SEMA3B: variants seen among roughly 807,000 people sequenced by gnomAD.
SEMA3B encodes semaphorin-3B.
In SEMA3B, 71 loss-of-function variants were observed where a neutral mutation model predicts 77.8. That is an observed-to-expected ratio of 0.91 (90% CI 0.75 to 1.11). The LOEUF is 1.11. Ranked by LOEUF, SEMA3B falls within the 50% of genes most tolerant of loss-of-function variation. The pLI, the probability that SEMA3B is intolerant of heterozygous loss-of-function variation, is 0.00. For missense variants in SEMA3B, 968 were observed against 1,056.8 expected (o/e 0.92, Z 1.17); for synonymous variants, 470 against 452.9 (o/e 1.04, Z -0.48).
chr3:50,273,018 C>CT lies in SEMA3B; in HGVS notation c.665-280_665-279insT, dbSNP rs367988038. 2.4e-3 allele frequency: 1,082 copies of CT among 446,274 alleles called. 11 individuals are homozygous for CT. Among genetic ancestry groups the CT allele is most frequent in the African/African-American group, 0.02 (984 of 49,776 alleles). 27.6% of individuals were successfully genotyped at this position (446,274 alleles called of 1,614,324 possible). On this transcript the variant is annotated intron_variant, in intron 6 of 16. Coordinates refer to ENST00000616701, the MANE Select transcript of SEMA3B (RefSeq NM_001290060.2). This position sits in a 1 kb window ranked among gnomAD's most constrained non-coding sequence, Gnocchi z 6.5. ...TACCCCAGCCTAAGGTGCTGGGCGA[C>CT]GTGTGGGGCGAGATCGGAGGCTAGC...
At chr3:50,262,085 CAGG>C in the SEMA3B span, 2 of 152,262 alleles carry the variant, frequency 1.3e-5, no homozygotes, top group East Asian at 3.8e-4. Flanking sequence ...CACTTGAGAT[CAGG>C]AGTTCAAGAC....
chr3:50,273,097 G>T lies in SEMA3B; in HGVS notation c.665-201G>T. 1.3e-6 allele frequency: 1 copy of T among 789,690 alleles called. No individual in the cohort carries two copies. Among genetic ancestry groups the T allele is most frequent in the Non-Finnish European group, 1.9e-6 (1 of 520,856 alleles). The allele number at this position is 789,690 out of a possible 1,614,324, so 48.9% of individuals were successfully genotyped here. ...CCACGGTCTCTGCTGCCCCCTCGCG[G>T]CTGCTTCTTGCCTCGCAGGCCCTGA... On this transcript the variant is annotated intron_variant, in intron 6 of 16. Transcript: ENST00000616701. The surrounding 1 kb of genome is among the most constrained non-coding windows in gnomAD (Gnocchi z 6.5).
chr3:50,264,670 G>A (rs1227967726), upstream of SEMA3B, among the ~76,000 whole-genome samples: 1 of 152,216 alleles, frequency 6.6e-6, no homozygotes, highest in Non-Finnish European at 1.5e-5. Context: ...TTATGTAAAT[G>A]TCTGTTCATG....
In SEMA3B at chr3:50,276,199, A is replaced by T. The variant is rs1701237918; in HGVS notation, c.1846-103A>T. ...CCTGCGGGCACCCCTTTCCCGCTCCACCTCGGCTCCCAATGACTCTTTGCT... is the reference window on the plus strand; with the variant it reads ...CCTGCGGGCACCCCTTTCCCGCTCCTCCTCGGCTCCCAATGACTCTTTGCT... On this transcript the variant is annotated intron_variant, in intron 16 of 16. Transcript: ENST00000616701. This position sits in a 1 kb window ranked among gnomAD's most constrained non-coding sequence, Gnocchi z 5.8. 7.2e-7 allele frequency: 1 copy of T among 1,384,236 alleles called. No homozygotes were observed. 85.7% of individuals were successfully genotyped at this position (1,384,236 alleles called of 1,614,324 possible).
At position 50,270,672 on chromosome 3, in the gene SEMA3B, C is replaced by A; in HGVS notation, c.330+177C>A. 1 of 1,133,070 alleles carries A rather than the reference C, an allele frequency of 8.8e-7. No homozygotes were observed. Among genetic ancestry groups the A allele is most frequent in the Non-Finnish European group, 1.2e-6 (1 of 808,746 alleles). 70.2% of individuals were successfully genotyped at this position (1,133,070 alleles called of 1,614,324 possible). ...GGGCTCGTGTAATTCTTCTGGGGTG[C>A]CTCTGAGTCATGGGAGGCTTTGCAG... On this transcript the variant is annotated intron_variant, in intron 3 of 16. Transcript: ENST00000616701. This position sits in a 1 kb window ranked among gnomAD's most constrained non-coding sequence, Gnocchi z 4.7.
upstream of SEMA3B, among the ~76,000 whole-genome samples, chr3:50,266,485 G>T (rs1322089904): frequency 2.0e-5 from 3 of 152,190 alleles, no homozygotes; most frequent in African/African-American, 7.2e-5. Flanking sequence ...ACTTCCAGGG[G>T]ACTTGGAGAT....
Position 50,274,948 on chromosome 3 carries a change from C to A in SEMA3B, c.1449+14C>A. 1 of 1,604,014 alleles carries A rather than the reference C, an allele frequency of 6.2e-7. No individual in the cohort carries two copies. Among genetic ancestry groups the A allele is most frequent in the Non-Finnish European group, 8.5e-7 (1 of 1,176,630 alleles). On this transcript the variant is annotated intron_variant, in intron 12 of 16. Coordinates refer to ENST00000616701, the MANE Select transcript of SEMA3B (RefSeq NM_001290060.2). This position sits in a 1 kb window ranked among gnomAD's most constrained non-coding sequence, Gnocchi z 4.7. ...CACGTGTTTGAGGTGAGGCCTCACC[C>A]CCAGTCGCCCGGGACCCCCCCACCC...
rs1553705167 is a variant in SEMA3B at position 50,270,506 on chromosome 3, G to A, written c.330+11G>A. Reference sequence around the variant, plus strand: ...GGGAAGGACATTGGTGTGAGTGCCAGCTGCCCGGGCCGGGAGTGGGGAGGG... The same window carrying A: ...GGGAAGGACATTGGTGTGAGTGCCAACTGCCCGGGCCGGGAGTGGGGAGGG... On this transcript the variant is annotated intron_variant, in intron 3 of 16. Transcript: ENST00000616701. The surrounding 1 kb of genome is among the most constrained non-coding windows in gnomAD (Gnocchi z 4.7). 13 of 1,613,460 alleles carry A rather than the reference G, an allele frequency of 8.1e-6. No individual in the cohort carries two copies. Among genetic ancestry groups the A allele is most frequent in the Non-Finnish European group, 1.1e-5 (13 of 1,179,864 alleles).
In SEMA3B at chr3:50,275,941, C is replaced by T; in HGVS notation, c.1845+97C>T. 1 of 1,418,638 alleles carries T rather than the reference C, an allele frequency of 7.0e-7. No homozygotes were observed. The highest frequency in any genetic ancestry group is 9.3e-7 in the Non-Finnish European group (1 of 1,074,606). The allele number at this position is 1,418,638 out of a possible 1,614,324, so 87.9% of individuals were successfully genotyped here. Reference sequence around the variant, plus strand: ...CCAACGAAGCCCCGTCCAACCAGACCCACTCCCCGCCCTGTCCAGTTTGGT... The same window carrying T: ...CCAACGAAGCCCCGTCCAACCAGACTCACTCCCCGCCCTGTCCAGTTTGGT... On this transcript the variant is annotated intron_variant, in intron 16 of 16. Transcript: ENST00000616701. The surrounding 1 kb of genome is among the most constrained non-coding windows in gnomAD (Gnocchi z 7.5).
intron 6 of SEMA3B, 89 bp downstream of exon 6, chr3:50,271,569 G>A (rs1701055669): frequency 6.6e-7 from 1 of 1,522,412 alleles, no homozygotes; most frequent in South Asian, 1.2e-5. Flanking sequence ...GTGAGCAGTG[G>A]GTGTGGCCAG....
In SEMA3B at chr3:50,276,365, C is replaced by G; in HGVS notation, c.1909C>G (p.Arg637Gly). ...RGLLLRRLRR[R>G]DSGVYLCAAV... The stretch of plus-strand genomic sequence containing the variant: ...ACTACTGCTGCGCAGGCTGCGGCGC[C>G]GGGACTCGGGCGTGTACTTGTGCGC... Residue 637 changes from arginine (R) to glycine (G), a missense_variant, in exon 17 of 17, where the codon CGG (arginine) becomes GGG (glycine). Coordinates refer to ENST00000616701, the MANE Select transcript of SEMA3B (RefSeq NM_001290060.2). The surrounding 1 kb of genome is among the most constrained non-coding windows in gnomAD (Gnocchi z 5.8). 1.3e-6 allele frequency: 2 copies of G among 1,534,248 alleles called. No homozygotes were observed. The highest frequency in any genetic ancestry group is 1.7e-6 in the Non-Finnish European group (2 of 1,144,842).
intron 6 of SEMA3B, among the ~76,000 whole-genome samples, chr3:50,271,718 A>C (rs1437660121): frequency 6.6e-6 from 1 of 152,196 alleles, no homozygotes; most frequent in Non-Finnish European, 1.5e-5. Flanking sequence ...GAGAGAGACA[A>C]GGGAGGAAGG....
In SEMA3B at chr3:50,269,936, C is replaced by T. The variant is rs1700999906; in HGVS notation, c.110-191C>T. 6.6e-6 allele frequency among the ~76,000 whole-genome samples: 1 copy of T among 152,182 alleles called. No individual in the cohort carries two copies. Among genetic ancestry groups the T allele is most frequent in the Admixed American group, 6.5e-5 (1 of 15,270 alleles). Reference sequence around the variant, plus strand: ...TCCTCTTCCTGGGGGGATGTACCACCTACCCTGGCAGCTCCACACGTGCAC... The same window carrying T: ...TCCTCTTCCTGGGGGGATGTACCACTTACCCTGGCAGCTCCACACGTGCAC... On this transcript the variant is annotated intron_variant, in intron 1 of 16. Coordinates refer to ENST00000616701, the MANE Select transcript of SEMA3B (RefSeq NM_001290060.2). This position sits in a 1 kb window ranked among gnomAD's most constrained non-coding sequence, Gnocchi z 4.0.
chr3:50,265,132 C>T (rs1319709117), upstream of SEMA3B, among the ~76,000 whole-genome samples: 2 of 152,148 alleles, frequency 1.3e-5, no homozygotes, highest in African/African-American at 2.4e-5. Flanking sequence ...TGCCTGCAGA[C>T]GCTTCCCCAG....
At position 50,274,650 on chromosome 3, in the gene SEMA3B, C is replaced by T. The variant is rs1264479979; in HGVS notation, c.1357+68C>T. On this transcript the variant is annotated intron_variant, in intron 11 of 16. Transcript: ENST00000616701. This position sits in a 1 kb window ranked among gnomAD's most constrained non-coding sequence, Gnocchi z 4.7. ...CCTGTGGGCTGCTGATGGAAGCTCT[C>T]CCTGTTCAGTCCCATCTCCACATCC... The T allele has an allele frequency of 9.4e-6, 14 of 1,492,518 alleles. No homozygotes were observed. Among genetic ancestry groups the T allele is most frequent in the Admixed American group, 2.1e-5 (1 of 47,612 alleles). The allele number at this position is 1,492,518 out of a possible 1,614,324, so 92.5% of individuals were successfully genotyped here. A position where few individuals can be genotyped will look rare whatever the true frequency, so the allele number is the denominator to read the frequency against.
chr3:50,276,264 GC>G lies in SEMA3B; in HGVS notation c.1846-35del. 1 of 1,443,962 alleles carries G rather than the reference GC, an allele frequency of 6.9e-7. No homozygotes were observed. Among genetic ancestry groups the G allele is most frequent in the Non-Finnish European group, 9.1e-7 (1 of 1,103,038 alleles). 89.4% of individuals were successfully genotyped at this position (1,443,962 alleles called of 1,614,324 possible). On this transcript the variant is annotated intron_variant, in intron 16 of 16. Coordinates refer to ENST00000616701, the MANE Select transcript of SEMA3B (RefSeq NM_001290060.2). The surrounding 1 kb of genome is among the most constrained non-coding windows in gnomAD (Gnocchi z 5.8). ...CTAGGGCCCGGAAGCCCTGTTCCCG[GC>G]CCGACACCCCCGCCTCACGCTGCCC...
At position 50,274,930 on chromosome 3, in the gene SEMA3B, T is replaced by C; in HGVS notation, c.1445T>C (p.Phe482Ser). 6.2e-7 allele frequency: 1 copy of C among 1,609,066 alleles called. No individual in the cohort carries two copies. Among genetic ancestry groups the C allele is most frequent in the South Asian group, 1.1e-5 (1 of 90,400 alleles). Residue 482 changes from phenylalanine (F) to serine (S), a missense_variant, in exon 12 of 17, where the codon TTT becomes TCT. By Grantham distance (155) the Phe-to-Ser change is radical. Coordinates refer to ENST00000616701, the MANE Select transcript of SEMA3B (RefSeq NM_001290060.2). This position sits in a 1 kb window ranked among gnomAD's most constrained non-coding sequence, Gnocchi z 4.7. Reference sequence around the variant, plus strand: ...CTGCTCCTGGAGGAGCTGCACGTGTTTGAGGTGAGGCCTCACCCCCAGTCG... The same window carrying C: ...CTGCTCCTGGAGGAGCTGCACGTGTCTGAGGTGAGGCCTCACCCCCAGTCG... ...EGLLLEELHV[F>S]EDSAAVTSMQ...
rs368463287 is a variant in SEMA3B at position 50,269,262 on chromosome 3, G to A, written c.22G>A (p.Ala8Thr). MGRAGAA[A>T]VIPGLALLWA... ...TGAGATGGGGCGGGCCGGGGCTGCC[G>A]CCGTGATCCCGGGCCTGGCCCTGCT... is the stretch of plus-strand genomic sequence containing the variant. The change falls in exon 1 of 17, where the codon GCC becomes ACC. Residue 8 changes from alanine (A) to threonine (T), a missense_variant. Physicochemically the swap from Ala to Thr is moderately conservative, Grantham distance 58. Transcript: ENST00000616701. This position sits in a 1 kb window ranked among gnomAD's most constrained non-coding sequence, Gnocchi z 4.0. 24 of 1,537,120 alleles carry A rather than the reference G, an allele frequency of 1.6e-5. No individual in the cohort carries two copies. Among genetic ancestry groups the A allele is most frequent in the African/African-American group, 2.7e-5 (2 of 73,014 alleles).
Position 50,276,089 on chromosome 3 carries a change from C to T in SEMA3B, c.1846-213C>T. 2 of 789,196 alleles carry T rather than the reference C, an allele frequency of 2.5e-6. No individual in the cohort carries two copies. Among genetic ancestry groups the T allele is most frequent in the Admixed American group, 3.2e-5 (1 of 31,218 alleles). The allele number at this position is 789,196 out of a possible 1,614,324, so 48.9% of individuals were successfully genotyped here. A position where few individuals can be genotyped will look rare whatever the true frequency, so the allele number is the denominator to read the frequency against. The stretch of plus-strand genomic sequence containing the variant: ...CTCCCATTAAGGTCCCTGACCACCC[C>T]CCACCAAGTTCATGTAAACCCCGCC... On this transcript the variant is annotated intron_variant, in intron 16 of 16. Coordinates refer to ENST00000616701, the MANE Select transcript of SEMA3B (RefSeq NM_001290060.2). This position sits in a 1 kb window ranked among gnomAD's most constrained non-coding sequence, Gnocchi z 5.8.
Sources: gnomAD v4.1 joint callset for allele counts (sites outside exome capture counted in the v4.1 genomes callset) on GRCh38, gnomAD v4.1.1 for gene constraint, Gnocchi (gnomAD v3.1) non-coding constraint, MANE v1.5 for transcripts, NCBI Gene and HGNC (gene_info 2026-07-23, HGNC 2026-07-21) for gene names.